Variants in FSIP2 observed in about 807,000 individuals in gnomAD.
FSIP2 encodes the protein fibrous sheath interacting protein 2, also known as fibrous sheath-interacting protein 2.
FSIP2 carries 367 observed loss-of-function variants against 510.5 expected under a neutral mutation model. That is an observed-to-expected ratio of 0.72 (90% confidence interval 0.66 to 0.78). FSIP2 has a LOEUF of 0.78. Ranked by LOEUF, FSIP2 falls within the 30% of genes least tolerant of loss-of-function variation. The pLI is 0.00. For missense variants in FSIP2, 7,594 were observed against 7,901.7 expected (o/e 0.96, Z 1.48); for synonymous variants, 2,601 against 2,732.2 (o/e 0.95, Z 1.50).
In FSIP2 at chr2:185,791,195, G is replaced by A; in HGVS notation, c.4059G>A (p.Leu1353=). 1 of 1,533,718 alleles carries A rather than the reference G, an allele frequency of 6.5e-7. No individual in the cohort carries two copies. Residue 1353 remains leucine, a synonymous_variant, in exon 16 of 23, where the codon TTG becomes TTA. Coordinates refer to ENST00000424728, the MANE Select transcript of FSIP2 (RefSeq NM_173651.4). ...SLVTSIDDDI[L]ASPLLTCIYD... is the part of the protein sequence containing the mutation. The stretch of plus-strand genomic sequence containing the variant: ...TCACGAGTATTGATGATGACATTTT[G>A]GCGAGTCCATTATTAACCTGTATTT...
At chr2:185,750,580 T>G (rs906738491) in intron 7 of FSIP2, among the ~76,000 whole-genome samples, 3 of 143,274 alleles carry the variant, frequency 2.1e-5, no homozygotes, top group African/African-American at 7.6e-5. Flanking sequence ...AACTGCTAGT[T>G]TTTAGTTTTA....
chr2:185,765,430 GT>G (rs1173774956), intron 13 of FSIP2: 1 of 151,876 alleles, frequency 6.6e-6, no homozygotes, highest in Non-Finnish European at 1.5e-5. Context: ...TTTTTCTCAG[GT>G]TTGTCAAAGA....
At chr2:185,821,918 C>A (rs1424219304) in intron 19 of FSIP2, among the ~76,000 whole-genome samples, 100 of 122,212 alleles carry the variant, frequency 8.2e-4, no homozygotes, top group African/African-American at 2.9e-3. Flanking sequence ...AGAATGAGAC[C>A]CTATCTCAAA....
Position 185,807,486 on chromosome 2 carries a change from C to T in FSIP2, c.18180C>T (p.Ser6060=). The T allele has an allele frequency of 6.2e-7, 1 of 1,612,136 alleles. No homozygotes were observed. Among genetic ancestry groups the T allele is most frequent in the Non-Finnish European group, 8.5e-7 (1 of 1,178,958 alleles). ...KLVSAVATEI[S]QDKYMTIQYV... ...TAAGTGCAGTTGCAACAGAGATCTC[C>T]CAAGATAAATATATGACTATACAGT... The change falls in exon 17 of 23, where the codon TCC becomes TCT. Residue 6060 remains serine, a synonymous_variant. Coordinates refer to ENST00000424728, the MANE Select transcript of FSIP2 (RefSeq NM_173651.4).
chr2:185,786,095 A>C, intron 14 of FSIP2, among the ~76,000 whole-genome samples, 157 bp from the exon 15 acceptor site: 1 of 151,918 alleles, frequency 6.6e-6, no homozygotes, highest in Admixed American at 6.6e-5. Context: ...AGGAAGTGAA[A>C]TAGGGGGGTT....
At position 185,805,387 on chromosome 2, in the gene FSIP2, G is replaced by T; in HGVS notation, c.16081G>T (p.Glu5361Ter). 1.3e-6 allele frequency: 2 copies of T among 1,598,502 alleles called. No individual in the cohort carries two copies. The highest frequency in any genetic ancestry group is 1.1e-5 in the South Asian group (1 of 88,090). ...ISNFVYEQFI[E>*]KCTSHDIQKG... is the part of the protein sequence containing the mutation. ...CAATTTTGTATATGAACAGTTCATA[G>T]AAAAATGCACATCTCATGATATTCA... The change falls in exon 17 of 23, where the codon GAA becomes TAA. Residue 5361 changes from glutamate (E) to a stop codon, truncating the protein, a stop_gained. Coordinates refer to ENST00000424728, the MANE Select transcript of FSIP2 (RefSeq NM_173651.4). LOFTEE classifies it high-confidence loss of function.
In FSIP2 at chr2:185,808,668, G is replaced by A. The variant is rs763873865; in HGVS notation, c.19362G>A (p.Val6454=). The part of the protein sequence containing the change: ...KDTNTAFPKK[V]ASLIIDGVSS... The stretch of plus-strand genomic sequence containing the variant: ...CAAATACAGCCTTTCCTAAAAAAGT[G>A]GCTAGTTTAATTATTGATGGAGTTT... The change falls in exon 17 of 23, where the codon GTG becomes GTA. Residue 6454 remains valine, a synonymous_variant. Coordinates refer to ENST00000424728, the MANE Select transcript of FSIP2 (RefSeq NM_173651.4). 1.1e-5 allele frequency: 17 copies of A among 1,606,498 alleles called. No individual in the cohort carries two copies. The highest frequency in any genetic ancestry group is 1.4e-5 in the Non-Finnish European group (17 of 1,177,020).
Position 185,792,495 on chromosome 2 carries a change from G to C in FSIP2, c.5359G>C (p.Glu1787Gln). The C allele has an allele frequency of 6.5e-7, 1 of 1,528,772 alleles. No homozygotes were observed. The highest frequency in any genetic ancestry group is 8.8e-7 in the Non-Finnish European group (1 of 1,141,368). The allele number at this position is 1,528,772 out of a possible 1,614,324, so 94.7% of individuals were successfully genotyped here. Reference sequence around the variant, plus strand: ...TCCCATTATAAGAAATATTTTGAATGAAATTTTTCAAAGTACTTTAATCAA... The same window carrying C: ...TCCCATTATAAGAAATATTTTGAATCAAATTTTTCAAAGTACTTTAATCAA... Reference protein sequence around the residue: ...IAPIIRNILNEIFQSTLINQL... With the variant: ...IAPIIRNILNQIFQSTLINQL... The change falls in exon 16 of 23, where the codon GAA becomes CAA. Residue 1787 changes from glutamate (E) to glutamine (Q), a missense_variant. Glu to Gln is a conservative substitution (Grantham distance 29). Coordinates refer to ENST00000424728, the MANE Select transcript of FSIP2 (RefSeq NM_173651.4).
At chr2:185,821,925 CAAAA>C (rs35066355) in intron 19 of FSIP2, among the ~76,000 whole-genome samples, 6 of 127,454 alleles carry the variant, frequency 4.7e-5, no homozygotes, top group Admixed American at 1.6e-4. Flanking sequence ...GACCCTATCT[CAAAA>C]AAAAAAAAAA....
In FSIP2 at chr2:185,800,702, A is replaced by T; in HGVS notation, c.11396A>T (p.Asp3799Val). The change falls in exon 17 of 23, where the codon GAT becomes GTT. Residue 3799 changes from aspartate to valine, a missense_variant. Asp to Val is a radical substitution (Grantham distance 152). Coordinates refer to ENST00000424728, the MANE Select transcript of FSIP2 (RefSeq NM_173651.4). ...QLLKMLQSVE[D>V]GKSDYRKGGM... Reference sequence around the variant, plus strand: ...TTAAAAATGCTTCAAAGTGTAGAAGATGGAAAATCTGATTATCGTAAGGGA... The same window carrying T: ...TTAAAAATGCTTCAAAGTGTAGAAGTTGGAAAATCTGATTATCGTAAGGGA... 6.5e-7 allele frequency: 1 copy of T among 1,534,080 alleles called. No individual in the cohort carries two copies. The highest frequency in any genetic ancestry group is 8.7e-7 in the Non-Finnish European group (1 of 1,145,542).
intron 15 of FSIP2, among the ~76,000 whole-genome samples, chr2:185,787,821 T>G (rs1279755042): frequency 6.6e-6 from 1 of 151,688 alleles, no homozygotes; most frequent in Non-Finnish European, 1.5e-5. Flanking sequence ...CAGCCCTCCC[T>G]ACTCTTTGAT....
At position 185,808,906 on chromosome 2, in the gene FSIP2, C is replaced by G; in HGVS notation, c.19600C>G (p.Pro6534Ala). 6.2e-7 allele frequency: 1 copy of G among 1,604,916 alleles called. No homozygotes were observed. The highest frequency in any genetic ancestry group is 8.5e-7 in the Non-Finnish European group (1 of 1,177,370). Residue 6534 changes from proline to alanine, a missense_variant, in exon 17 of 23, where the codon CCA becomes GCA. Coordinates refer to ENST00000424728, the MANE Select transcript of FSIP2 (RefSeq NM_173651.4). ...TGGAAAAAAACCAGTCAAAATAGAT[C>G]CAAAAATTATTTCAGAACACTTAGC... ...HVGKKPVKID[P>A]KIISEHLAVI...
chr2:185,749,742 T>C (rs571026957), intron 7 of FSIP2, among the ~76,000 whole-genome samples: 9 of 151,828 alleles, frequency 5.9e-5, no homozygotes, highest in Non-Finnish European at 1.3e-4. Context: ...TTGCTAGTGA[T>C]CTCAAGGGGA....
chr2:185,742,015 A>G (rs1364839003), intron 2 of FSIP2, among the ~76,000 whole-genome samples: 1 of 152,154 alleles, frequency 6.6e-6, no homozygotes, highest in Non-Finnish European at 1.5e-5. Context: ...TTGTGGTAGT[A>G]TAAATTGAAT....
Position 185,793,456 on chromosome 2 carries a change from T to A in FSIP2, c.6320T>A (p.Phe2107Tyr). The A allele has an allele frequency of 6.5e-7, 1 of 1,534,440 alleles. No homozygotes were observed. The highest frequency in any genetic ancestry group is 2.0e-5 in the Admixed American group (1 of 50,882). Residue 2107 changes from phenylalanine (F) to tyrosine (Y), a missense_variant, in exon 16 of 23, where the codon TTT becomes TAT. Physicochemically the swap from Phe to Tyr is conservative, Grantham distance 22 (BLOSUM62 3). Coordinates refer to ENST00000424728, the MANE Select transcript of FSIP2 (RefSeq NM_173651.4). Reference protein sequence around the residue: ...ILCDIYEKTLFQNNLSFATPT... With the variant: ...ILCDIYEKTLYQNNLSFATPT... ...TGTGATATTTATGAAAAAACCCTGT[T>A]TCAGAATAATCTCTCATTTGCCACA...
intron 2 of FSIP2, chr2:185,740,473 G>C (rs537733787): frequency 6.6e-6 from 1 of 152,120 alleles, no homozygotes; most frequent in South Asian, 2.1e-4. Flanking sequence ...TTTGCAAAAA[G>C]TTCTACAAGA....
In FSIP2 at chr2:185,815,373, A is replaced by G; in HGVS notation, c.20328A>G (p.Lys6776=). The change falls in exon 19 of 23, where the codon AAA becomes AAG. Residue 6776 remains lysine, a splice_region_variant and synonymous_variant. Transcript: ENST00000424728. ...SSWEEKPQCK[K]EEKNLVTEPT... ...ATAGCTGATTTGTCCTTTTCCAGAAAGAAGAAAAGAATCTTGTTACTGAAC... is the reference window on the plus strand; with the variant it reads ...ATAGCTGATTTGTCCTTTTCCAGAAGGAAGAAAAGAATCTTGTTACTGAAC... 1 of 1,386,686 alleles carries G rather than the reference A, an allele frequency of 7.2e-7. No homozygotes were observed. Among genetic ancestry groups the G allele is most frequent in the Non-Finnish European group, 1.0e-6 (1 of 988,530 alleles). The allele number at this position is 1,386,686 out of a possible 1,614,324, so 85.9% of individuals were successfully genotyped here.
intron 19 of FSIP2, among the ~76,000 whole-genome samples, chr2:185,820,184 T>C (rs1333420729): frequency 2.0e-5 from 3 of 151,942 alleles, no homozygotes; most frequent in Non-Finnish European, 2.9e-5. Flanking sequence ...CTATGCTGCT[T>C]TTCTCATGAT....
chr2:185,740,924 CATG>C (rs1383861658), intron 2 of FSIP2, among the ~76,000 whole-genome samples: 18 of 151,352 alleles, frequency 1.2e-4, no homozygotes, highest in Admixed American at 3.3e-4. Context: ...ACTAAATAAA[CATG>C]ATTTCTTAAA....
Sources: allele counts gnomAD v4.1 joint callset (sites outside exome capture counted in the v4.1 genomes callset), GRCh38; gene constraint gnomAD v4.1.1; transcripts MANE v1.5; gene names NCBI Gene and HGNC (gene_info 2026-07-23, HGNC 2026-07-21).